CACNA2D2: variants seen among roughly 807,000 people sequenced by gnomAD.
CACNA2D2 encodes the protein calcium voltage-gated channel auxiliary subunit alpha2delta 2.
In CACNA2D2, 48 loss-of-function variants were observed where a neutral mutation model predicts 166.4. The ratio of observed to expected loss-of-function variants is 0.29; its 90% confidence interval spans 0.23 to 0.37. CACNA2D2 has a LOEUF of 0.37. Among genes scored for constraint, CACNA2D2 ranks in the 10% least tolerant of loss-of-function variants. CACNA2D2 has a pLI of 1.00. For synonymous variants in CACNA2D2, 561 were observed against 573.7 expected (o/e 0.98, Z 0.32); for missense variants, 1,122 against 1,433.0 (o/e 0.78, Z 3.50).
intron 6 of CACNA2D2, among the ~76,000 whole-genome samples, chr3:50,382,781 T>C (rs1705387266): frequency 6.6e-6 from 1 of 152,198 alleles, no homozygotes; most frequent in African/African-American, 2.4e-5. Context: ...CCCATCTGCA[T>C]AATGACAGGC....
intron 2 of CACNA2D2, 125 bp from the exon 3 acceptor site, chr3:50,434,554 G>C: frequency 1.4e-6 from 1 of 736,076 alleles, no homozygotes; most frequent in Non-Finnish European, 2.4e-6. Flanking sequence ...CCCTGTCTTT[G>C]GCCTCTGAGA....
In CACNA2D2 at chr3:50,380,846, G is replaced by A. The variant is rs1183759758; in HGVS notation, c.785-41C>T. 1.3e-6 allele frequency: 2 copies of A among 1,534,686 alleles called. No homozygotes were observed. The highest frequency in any genetic ancestry group is 1.8e-6 in the Non-Finnish European group (2 of 1,138,720). On this transcript the variant is annotated intron_variant, in intron 7 of 37. Transcript: ENST00000424201. The surrounding 1 kb of genome is among the most constrained non-coding windows in gnomAD (Gnocchi z 4.9). ...AGGTGAGGGGGACTGGCAGGAAAGG[G>A]CTGGCCTGGGTAGGCAGACCTTGCA...
At chr3:50,478,927 G>A (rs1327376486) in intron 1 of CACNA2D2, among the ~76,000 whole-genome samples, 2 of 152,158 alleles carry the variant, frequency 1.3e-5, no homozygotes, top group Non-Finnish European at 2.9e-5. Context: ...TTCCACCCCA[G>A]GCTGTTGACT....
chr3:50,390,425 C>T (rs1705827697), intron 4 of CACNA2D2, among the ~76,000 whole-genome samples: 1 of 152,138 alleles, frequency 6.6e-6, no homozygotes, highest in African/African-American at 2.4e-5. Context: ...GGAGCTGGGC[C>T]TCCCCAGGGG....
At chr3:50,458,087 T>C (rs1241390274) in intron 2 of CACNA2D2, among the ~76,000 whole-genome samples, 1 of 152,218 alleles carries the variant, frequency 6.6e-6, no homozygotes, top group East Asian at 1.9e-4. Context: ...ACAGGGAAGG[T>C]GCTGGGTCAG....
chr3:50,415,630 G>C (rs143336852), intron 3 of CACNA2D2, among the ~76,000 whole-genome samples: 21 of 152,366 alleles, frequency 1.4e-4, no homozygotes, highest in African/African-American at 4.6e-4. Flanking sequence ...CACAGTGCCT[G>C]TGTGCCCCTC....
chr3:50,488,431 C>T (rs1354090805), intron 1 of CACNA2D2, among the ~76,000 whole-genome samples: 1 of 152,062 alleles, frequency 6.6e-6, no homozygotes, highest in Non-Finnish European at 1.5e-5. Flanking sequence ...CAACTGGGCC[C>T]GGGTGCAGAG....
intron 2 of CACNA2D2, among the ~76,000 whole-genome samples, chr3:50,456,524 A>G (rs973841549): frequency 1.3e-5 from 2 of 152,082 alleles, no homozygotes; most frequent in African/African-American, 4.8e-5. Flanking sequence ...GTCTGTCCCA[A>G]CCTTCTCTGG....
At position 50,379,758 on chromosome 3, in the gene CACNA2D2, C is replaced by T. The variant is rs1334771827; in HGVS notation, c.960G>A (p.Thr320=). Residue 320 remains threonine, a synonymous_variant, in exon 10 of 38, where the codon ACG becomes ACA. Transcript: ENST00000424201. The surrounding 1 kb of genome is among the most constrained non-coding windows in gnomAD (Gnocchi z 6.5). The part of the protein sequence containing the change: ...MKTSVCEMLD[T]LSDDDYVNVA... The stretch of plus-strand genomic sequence containing the variant: ...CATTCACATAGTCATCATCAGACAG[C>T]GTGTCCAGCATCTCGCAGACAGATG... 2 of 1,613,936 alleles carry T rather than the reference C, an allele frequency of 1.2e-6. No homozygotes were observed. Among genetic ancestry groups the T allele is most frequent in the Non-Finnish European group, 1.7e-6 (2 of 1,180,036 alleles).
At chr3:50,434,725 G>A (rs2106893626) in intron 2 of CACNA2D2, among the ~76,000 whole-genome samples, 1 of 152,322 alleles carries the variant, frequency 6.6e-6, no homozygotes, top group East Asian at 1.9e-4. Context: ...CCCCATTTCA[G>A]GGTCATGAGC....
In CACNA2D2 at chr3:50,379,881, GC is replaced by G. The variant is rs756399692; in HGVS notation, c.894-58del. On this transcript the variant is annotated intron_variant, in intron 9 of 37. Transcript: ENST00000424201. This position sits in a 1 kb window ranked among gnomAD's most constrained non-coding sequence, Gnocchi z 6.5. ...CCAGGGGAACCTCACGTGTTCTCCT[GC>G]CCATCCCCCAAGATGTTCAGGGCAG... The G allele has an allele frequency of 3.3e-4, 527 of 1,612,148 alleles. No individual in the cohort carries two copies. Among genetic ancestry groups the G allele is most frequent in the Non-Finnish European group, 3.9e-4 (462 of 1,178,518 alleles).
chr3:50,365,404 G>C lies in CACNA2D2; in HGVS notation c.3050C>G (p.Ser1017Trp), dbSNP rs745556824. Residue 1017 changes from serine (S) to tryptophan (W), a missense_variant, in exon 35 of 38, where the codon TCG (serine) becomes TGG (tryptophan). Ser to Trp is a radical substitution (Grantham distance 177). Transcript: ENST00000424201. This position sits in a 1 kb window ranked among gnomAD's most constrained non-coding sequence, Gnocchi z 4.5. ...VMKQTQYYFG[S>W]VNASYNAIID... ...GATGGCGTTGTAGGAGGCGTTTACC[G>C]AGCCGAAGTAGTACTGGGTCTGTTT... is the stretch of plus-strand genomic sequence containing the variant. 2 of 1,613,644 alleles carry C rather than the reference G, an allele frequency of 1.2e-6. No individual in the cohort carries two copies. The highest frequency in any genetic ancestry group is 4.5e-5 in the East Asian group (2 of 44,868).
At chr3:50,477,350 C>T (rs144087408) in intron 1 of CACNA2D2, among the ~76,000 whole-genome samples, 246 of 152,306 alleles carry the variant, frequency 1.6e-3, no homozygotes, top group Admixed American at 3.5e-3. Context: ...CAAGCGTGTT[C>T]GCTGCATGGG....
chr3:50,476,082 G>C (rs1001152057), intron 2 of CACNA2D2, 36 bp downstream of exon 2: 3 of 1,510,476 alleles, frequency 2.0e-6, no homozygotes, highest in Non-Finnish European at 2.7e-6. Flanking sequence ...CTTGGAAGAG[G>C]GTCCCTGAAG....
intron 1 of CACNA2D2, among the ~76,000 whole-genome samples, chr3:50,494,674 T>A (rs749325179): frequency 3.9e-5 from 6 of 152,062 alleles, no homozygotes; most frequent in Non-Finnish European, 7.4e-5. Context: ...TTTATTTATT[T>A]ATTATTTATT....
intron 2 of CACNA2D2, among the ~76,000 whole-genome samples, chr3:50,453,934 G>A (rs1212232693): frequency 6.6e-6 from 1 of 151,032 alleles, no homozygotes; most frequent in Non-Finnish European, 1.5e-5. Flanking sequence ...CGGTGGACAC[G>A]ACCAGGCCCG....
chr3:50,468,379 TAGTGTGTGTGTGTGTGTG>T (rs1344978028), intron 2 of CACNA2D2, among the ~76,000 whole-genome samples: 7 of 68,858 alleles, frequency 1.0e-4, no homozygotes, highest in African/African-American at 2.4e-4. Context: ...TTCATCAGAA[TAGTGTGTGTGTGTGTGTG>T]TGTGTGTGTG....
intron 2 of CACNA2D2, among the ~76,000 whole-genome samples, chr3:50,439,013 A>G (rs1231472744): frequency 6.6e-6 from 1 of 152,254 alleles, no homozygotes; most frequent in Non-Finnish European, 1.5e-5. Context: ...TGTGGCAGAG[A>G]GGACACTGAA....
chr3:50,447,229 C>T (rs900037412), intron 2 of CACNA2D2, among the ~76,000 whole-genome samples: 1 of 152,188 alleles, frequency 6.6e-6, no homozygotes, highest in Non-Finnish European at 1.5e-5. Context: ...TTCTGAGAAA[C>T]TGTAAGGTCG....
Sources: allele counts gnomAD v4.1 joint callset (sites outside exome capture counted in the v4.1 genomes callset), GRCh38; gene constraint gnomAD v4.1.1; non-coding constraint Gnocchi (gnomAD v3.1); transcripts MANE v1.5; gene names NCBI Gene and HGNC (gene_info 2026-07-23, HGNC 2026-07-21).